The following OR51I2 variants were observed in gnomAD, a reference collection of about 807,000 sequenced individuals.
The protein encoded by OR51I2 is olfactory receptor 51I2.
OR51I2 carries 6 observed loss-of-function variants against 9.3 expected under a neutral mutation model. The ratio of observed to expected loss-of-function variants is 0.64; its 90% CI spans 0.35 to 1.27. The LOEUF (loss-of-function observed/expected upper bound fraction) is 1.27. OR51I2 is among the 50% of genes most tolerant of loss of function. The pLI is 0.03. For missense variants in OR51I2, 489 were observed against 396.4 expected (o/e 1.23, Z -1.98); for synonymous variants, 179 against 143.1 (o/e 1.25, Z -1.79).
At chr11:5,450,362 C>G (rs1850825733) in intron 1 of OR51I2, among the ~76,000 whole-genome samples, 1 of 152,102 alleles carries the variant, frequency 6.6e-6, no homozygotes, top group South Asian at 2.1e-4. Context: ...GCACTCCACC[C>G]TGGATGATGG....
In OR51I2 at chr11:5,453,754, C is replaced by T. The variant is rs750975545; in HGVS notation, c.266C>T (p.Ala89Val). The T allele has an allele frequency of 1.1e-5, 18 of 1,614,160 alleles. No homozygotes were observed. In the South Asian group the frequency reaches 1.8e-4, roughly 16 times the overall value. Residue 89 changes from alanine (A) to valine (V), a missense_variant, in exon 2 of 2, where the codon GCC becomes GTC. Coordinates refer to ENST00000641930, the MANE Select transcript of OR51I2 (RefSeq NM_001004754.3). ...PTVLRTFCLNARNITFDACLI... is the reference protein window; with the variant it reads ...PTVLRTFCLNVRNITFDACLI... ...GTACTCCGAACCTTCTGCCTCAATG[C>T]CCGCAACATCACTTTTGATGCCTGT...
In OR51I2 at chr11:5,453,494, G is replaced by T; in HGVS notation, c.6G>T (p.Gly2=). 6.5e-7 allele frequency: 1 copy of T among 1,542,394 alleles called. No individual in the cohort carries two copies. Among genetic ancestry groups the T allele is most frequent in the East Asian group, 2.3e-5 (1 of 44,294 alleles). ...TACCCTAAGTTTGTTTTGCTATGGG[G>T]TTGTTCAATGTCACTCACCCTGCAT... is the stretch of plus-strand genomic sequence containing the variant. M[G]LFNVTHPAFF... The change falls in exon 2 of 2, where the codon GGG becomes GGT. Residue 2 remains glycine, a synonymous_variant. Transcript: ENST00000641930.
rs765471466 is a variant in OR51I2 at position 5,454,564 on chromosome 11, TA to T, written c.*139del. The T allele has an allele frequency of 1.6e-4, 109 of 674,566 alleles. No homozygotes were observed. The highest frequency in any genetic ancestry group is 2.5e-4 in the Non-Finnish European group (100 of 399,372). 41.8% of individuals were successfully genotyped at this position (674,566 alleles called of 1,614,324 possible). A position where few individuals can be genotyped will look rare whatever the true frequency, so the allele number is the denominator to read the frequency against. ...CCAGGAGATGGTGATGCAAAACTTA[TA>T]ACACAAAACAAGGAGTTCCAAATGA... On this transcript the variant is annotated 3_prime_UTR_variant, in exon 2 of 2. Coordinates refer to ENST00000641930, the MANE Select transcript of OR51I2 (RefSeq NM_001004754.3).
At chr11:5,449,747 C>T (rs531737330) in intron 1 of OR51I2, among the ~76,000 whole-genome samples, 66 of 152,242 alleles carry the variant, frequency 4.3e-4, no homozygotes, top group Middle Eastern at 3.4e-3. Context: ...GTGGTCACAA[C>T]CTATCCCATG....
Position 5,453,709 on chromosome 11 carries a change from C to T in OR51I2, c.221C>T (p.Ser74Phe). The T allele has an allele frequency of 6.2e-7, 1 of 1,612,740 alleles. No individual in the cohort carries two copies. Among genetic ancestry groups the T allele is most frequent in the East Asian group, 2.2e-5 (1 of 44,860 alleles). ...TTGTCCTTCAGTGATGTGGCCATAT[C>T]CATGGCCACACTGCCCACTGTACTC... Reference protein sequence around the residue: ...SMLSFSDVAISMATLPTVLRT... With the variant: ...SMLSFSDVAIFMATLPTVLRT... Residue 74 changes from serine to phenylalanine, a missense_variant, in exon 2 of 2, where the codon TCC becomes TTC. Physicochemically the swap from Ser to Phe is radical, Grantham distance 155. Coordinates refer to ENST00000641930, the MANE Select transcript of OR51I2 (RefSeq NM_001004754.3).
chr11:5,454,395 A>AT lies in OR51I2; in HGVS notation c.911dup (p.Arg305ProfsTer46). The stretch of plus-strand genomic sequence containing the variant: ...CAAGACAAAGGAAATCCGCCGAGCC[A>AT]TTTTCCGCATGTTTCACCACATCAA... On this transcript the variant is annotated frameshift_variant, in exon 2 of 2. Transcript: ENST00000641930. LOFTEE classifies it high-confidence loss of function. 6.2e-7 allele frequency: 1 copy of AT among 1,608,298 alleles called. No homozygotes were observed. Among genetic ancestry groups the AT allele is most frequent in the Non-Finnish European group, 8.5e-7 (1 of 1,179,634 alleles).
chr11:5,453,578 C>T lies in OR51I2; in HGVS notation c.90C>T (p.Pro30=). Residue 30 remains proline (P), a synonymous_variant, in exon 2 of 2, where the codon CCC becomes CCT. Coordinates refer to ENST00000641930, the MANE Select transcript of OR51I2 (RefSeq NM_001004754.3). ...LESSHSWLSG[P]LCVMYAVALG... is the part of the protein sequence containing the mutation. ...GCTCTCACTCCTGGCTGTCAGGGCC[C>T]CTCTGCGTGATGTATGCTGTGGCCC... 1.1e-5 allele frequency: 17 copies of T among 1,612,964 alleles called. No homozygotes were observed. The highest frequency in any genetic ancestry group is 1.7e-5 in the Admixed American group (1 of 59,918).
chr11:5,453,928 G>A lies in OR51I2; in HGVS notation c.440G>A (p.Gly147Asp), dbSNP rs1054787023. The change falls in exon 2 of 2, where the codon GGT becomes GAT. Residue 147 changes from glycine to aspartate, a missense_variant. Physicochemically the swap from Gly to Asp is moderately conservative, Grantham distance 94. Transcript: ENST00000641930. Reference sequence around the variant, plus strand: ...GAAGTCATTGCTGCAATGGGTTTAGGTGCAGCTGCTCGAAGCTTCATCACC... The same window carrying A: ...GAAGTCATTGCTGCAATGGGTTTAGATGCAGCTGCTCGAAGCTTCATCACC... ...TTEVIAAMGL[G>D]AAARSFITLF... The A allele has an allele frequency of 2.5e-6, 4 of 1,614,130 alleles. No homozygotes were observed. Among genetic ancestry groups the A allele is most frequent in the Non-Finnish European group, 3.4e-6 (4 of 1,180,012 alleles).
In OR51I2 at chr11:5,454,258, G is replaced by A; in HGVS notation, c.770G>A (p.Gly257Glu). The A allele has an allele frequency of 6.2e-7, 1 of 1,614,136 alleles. No homozygotes were observed. Among genetic ancestry groups the A allele is most frequent in the Non-Finnish European group, 8.5e-7 (1 of 1,180,026 alleles). Residue 257 changes from glycine to glutamate, a missense_variant, in exon 2 of 2, where the codon GGG (glycine) becomes GAG (glutamate). Gly to Glu is a moderately conservative substitution (Grantham distance 98, BLOSUM62 -2). Transcript: ENST00000641930. ...CTTGCATTTTATGTGCCAATGATTG[G>A]GGTCTCCACAGTGCACCGCTTTGGG... Reference protein sequence around the residue: ...AVLAFYVPMIGVSTVHRFGKH... With the variant: ...AVLAFYVPMIEVSTVHRFGKH...
At position 5,452,504 on chromosome 11, in the gene OR51I2, C is replaced by CAAAAA. The variant is rs56677841; in HGVS notation, c.-230-719_-230-715dup. On this transcript the variant is annotated intron_variant, in intron 1 of 1. Coordinates refer to ENST00000641930, the MANE Select transcript of OR51I2 (RefSeq NM_001004754.3). ...TGGGCAAAAGAGAGAGACTCTGTCT[C>CAAAAA]AAAAAAAAAAAAAAAAAAAAAAAAA... Among the ~76,000 whole-genome samples, 105 of 69,194 alleles carry CAAAAA rather than the reference C, an allele frequency of 1.5e-3. 7 individuals carry two copies. The highest frequency in any genetic ancestry group is 1.6e-3 in the Non-Finnish European group (63 of 38,388). The allele number at this position is 69,194 out of a possible 152,430, so 45.4% of individuals were successfully genotyped here.
chr11:5,452,362 CG>C (rs1271523521), intron 1 of OR51I2, among the ~76,000 whole-genome samples: 1 of 151,690 alleles, frequency 6.6e-6, no homozygotes, highest in Non-Finnish European at 1.5e-5. Flanking sequence ...AAAAATTAGC[CG>C]GGCATGGTGG....
chr11:5,451,548 G>C (rs951075594), intron 1 of OR51I2, among the ~76,000 whole-genome samples: 3 of 152,142 alleles, frequency 2.0e-5, no homozygotes, highest in Non-Finnish European at 4.4e-5. Flanking sequence ...CAACACGGAG[G>C]GACAGCCACT....
intron 1 of OR51I2, among the ~76,000 whole-genome samples, chr11:5,452,649 G>A (rs11037487): frequency 0.1 from 15,196 of 150,790 alleles, 938 homozygotes; most frequent in East Asian, 0.21. Context: ...CTATGAATGA[G>A]CTTTCTTACT....
intron 1 of OR51I2, 90 bp downstream of exon 1, chr11:5,449,454 G>C (rs549888392): frequency 2.0e-5 from 3 of 152,402 alleles, no homozygotes; most frequent in African/African-American, 7.2e-5. Context: ...GGTATGGTGA[G>C]GGGAAGTGGA....
At chr11:5,452,487 A>G (rs1469078722) in intron 1 of OR51I2, among the ~76,000 whole-genome samples, 1 of 135,930 alleles carries the variant, frequency 7.4e-6, no homozygotes, top group African/African-American at 2.8e-5. Context: ...CCTGGGCAAA[A>G]GAGAGAGACT....
intron 1 of OR51I2, among the ~76,000 whole-genome samples, chr11:5,451,538 C>T (rs6578646): frequency 0.47 from 71,083 of 151,900 alleles, 16,887 homozygotes; most frequent in Non-Finnish European, 0.5. Flanking sequence ...ATATTCAGTA[C>T]AACACGGAGG....
rs1850960289 is a variant in OR51I2 at position 5,456,452 on chromosome 11, T to C, written c.*2025T>C. ...GTCTAAGCTAAGCCCTGTTTTTGTT[T>C]TTTTGACCTTGGGTTAAAAACTCTT... On this transcript the variant is annotated 3_prime_UTR_variant, in exon 2 of 2. Coordinates refer to ENST00000641930, the MANE Select transcript of OR51I2 (RefSeq NM_001004754.3). 6.6e-6 allele frequency: 1 copy of C among 152,208 alleles called. No homozygotes were observed. Among genetic ancestry groups the C allele is most frequent in the Admixed American group, 6.5e-5 (1 of 15,286 alleles). The allele number at this position is 152,208 out of a possible 1,614,324, so 9.4% of individuals were successfully genotyped here.
At chr11:5,450,686 T>A (rs1328150037) in intron 1 of OR51I2, among the ~76,000 whole-genome samples, 3 of 152,322 alleles carry the variant, frequency 2.0e-5, no homozygotes, top group East Asian at 3.9e-4. Flanking sequence ...ACCTGTGAAA[T>A]CTTTGTTCAG....
At position 5,453,554 on chromosome 11, in the gene OR51I2, C is replaced by T; in HGVS notation, c.66C>T (p.Ser22=). Reference sequence around the variant, plus strand: ...TGACTGGTATCCCTGGTCTGGAGAGCTCTCACTCCTGGCTGTCAGGGCCCC... The same window carrying T: ...TGACTGGTATCCCTGGTCTGGAGAGTTCTCACTCCTGGCTGTCAGGGCCCC... ...FLLTGIPGLE[S]SHSWLSGPLC... is the part of the protein sequence containing the mutation. Residue 22 remains serine (S), a synonymous_variant, in exon 2 of 2, where the codon AGC becomes AGT. Transcript: ENST00000641930. 6.2e-7 allele frequency: 1 copy of T among 1,608,658 alleles called. No individual in the cohort carries two copies. The highest frequency in any genetic ancestry group is 8.5e-7 in the Non-Finnish European group (1 of 1,177,498).
Sources: gnomAD v4.1 joint callset for allele counts (sites outside exome capture counted in the v4.1 genomes callset) on GRCh38, gnomAD v4.1.1 for gene constraint, MANE v1.5 for transcripts, NCBI Gene and HGNC (gene_info 2026-07-23, HGNC 2026-07-21) for gene names.